The following LRRC75B variants were observed in gnomAD, a reference collection of about 807,000 sequenced individuals.
LRRC75B encodes leucine rich repeat containing 75B, also known as leucine-rich repeat-containing protein 75B.
LRRC75B carries 20 observed loss-of-function variants against 16.5 expected under a neutral mutation model. The observed-to-expected ratio is 1.21, with a 90% CI of 0.85 to 1.76. The LOEUF (loss-of-function observed/expected upper bound fraction) is 1.76. Ranked by LOEUF, LRRC75B falls within the 40% of genes most tolerant of loss-of-function variation. The pLI, the probability that LRRC75B is intolerant of heterozygous loss-of-function variation, is 0.00. For missense variants in LRRC75B, 406 were observed against 417.0 expected, an observed-to-expected ratio of 0.97 and a Z score of 0.23; for synonymous variants, 199 against 198.1, an observed-to-expected ratio of 1.00 and a Z score of -0.04.
rs202090927 is a variant in LRRC75B at position 24,586,013 on chromosome 22, G to A, written c.821C>T (p.Pro274Leu). ...AAGGTCCAGGCCCTCGTAGATGGTG[G>A]GGAGTGAGGTGCGCTGGCTCAGCCG... is the stretch of plus-strand genomic sequence containing the variant. The part of the protein sequence containing the change: ...RRRLSQRTSL[P>L]TIYEGLDLEP... The change falls in exon 4 of 4, where the codon CCC (proline) becomes CTC (leucine). Residue 274 changes from proline to leucine, a missense_variant. Pro to Leu is a moderately conservative substitution (Grantham distance 98). Coordinates refer to ENST00000318753, the MANE Select transcript of LRRC75B (RefSeq NM_207644.3). 7.6e-4 allele frequency: 1,224 copies of A among 1,611,104 alleles called. No individual in the cohort carries two copies. The highest frequency in any genetic ancestry group is 8.9e-4 in the Non-Finnish European group (1,050 of 1,179,904).
rs779688498 is a variant in LRRC75B at position 24,586,232 on chromosome 22, A to G, written c.602T>C (p.Leu201Pro). 4.9e-5 allele frequency: 79 copies of G among 1,613,596 alleles called. No individual in the cohort carries two copies. Among genetic ancestry groups the G allele is most frequent in the Non-Finnish European group, 3.9e-5 (46 of 1,180,044 alleles). Residue 201 changes from leucine to proline, a missense_variant, in exon 4 of 4, where the codon CTG becomes CCG. Physicochemically the swap from Leu to Pro is moderately conservative, Grantham distance 98. Coordinates refer to ENST00000318753, the MANE Select transcript of LRRC75B (RefSeq NM_207644.3). ...GCGGGGCAGCGCCCACAGGCTGGGC[A>G]GCAGGAGGTGCAGCAGCTCATCACT... The part of the protein sequence containing the change: ...GLSDELLHLL[L>P]PSLWALPRLT...
intron 2 of LRRC75B, chr22:24,589,284 A>C (rs1369840717): frequency 2.3e-5 from 29 of 1,240,666 alleles, no homozygotes; most frequent in Non-Finnish European, 3.0e-5. Context: ...TGGAGGCTGC[A>C]GGTGGCAAAC....
chr22:24,587,212 G>C (rs185878404), intron 3 of LRRC75B, among the ~76,000 whole-genome samples: 1 of 152,218 alleles, frequency 6.6e-6, no homozygotes, highest in Non-Finnish European at 1.5e-5. Context: ...CAGGGCACCG[G>C]GGATAGAGAG....
At chr22:24,587,146 C>G (rs575990906) in intron 3 of LRRC75B, among the ~76,000 whole-genome samples, 1 of 152,120 alleles carries the variant, frequency 6.6e-6, no homozygotes. Context: ...CTTCTGATGT[C>G]GATTCTTTTA....
At chr22:24,592,793 C>T in intron 1 of LRRC75B, 70 bp downstream of exon 1, 1 of 1,268,744 alleles carries the variant, frequency 7.9e-7, no homozygotes, top group Non-Finnish European at 1.0e-6. Flanking sequence ...TAGCCCCGCG[C>T]CTCCCAGACC....
chr22:24,586,296 C>T lies in LRRC75B; in HGVS notation c.538G>A (p.Ala180Thr), dbSNP rs1357081413. ...HITRYLSSHGAVLAVLDLSFT... is the reference protein window; with the variant it reads ...HITRYLSSHGTVLAVLDLSFT... ...CTCAGGTCCAGCACCGCCAGCACAG[C>T]ACCATGGCTGCTCAGGTAGCGTGTG... The change falls in exon 4 of 4, where the codon GCT (alanine) becomes ACT (threonine). Residue 180 changes from alanine to threonine, a missense_variant. Transcript: ENST00000318753. 1 of 1,613,882 alleles carries T rather than the reference C, an allele frequency of 6.2e-7. No homozygotes were observed. Among genetic ancestry groups the T allele is most frequent in the African/African-American group, 1.3e-5 (1 of 74,958 alleles).
intron 3 of LRRC75B, 43 bp downstream of exon 3, chr22:24,588,171 T>C (rs763016888): frequency 9.5e-6 from 14 of 1,475,714 alleles, no homozygotes; most frequent in Non-Finnish European, 1.1e-5. Context: ...AGAAGGGACC[T>C]TGGAGCAGCA....
chr22:24,586,164 T>C lies in LRRC75B; in HGVS notation c.670A>G (p.Thr224Ala). ...ATGGCATCAGTGAGCTTGCGGGCAG[T>C]GGCCCGCGTCAGTCGGTTGCCGTTG... ...LLNGNRLTRATARKLTDAIKD... is the reference protein window; with the variant it reads ...LLNGNRLTRAAARKLTDAIKD... The change falls in exon 4 of 4, where the codon ACT becomes GCT. Residue 224 changes from threonine to alanine, a missense_variant. Coordinates refer to ENST00000318753, the MANE Select transcript of LRRC75B (RefSeq NM_207644.3). The C allele has an allele frequency of 1.2e-6, 2 of 1,613,568 alleles. No individual in the cohort carries two copies. Among genetic ancestry groups the C allele is most frequent in the Non-Finnish European group, 1.7e-6 (2 of 1,179,974 alleles).
In LRRC75B at chr22:24,592,907, G is replaced by A. The variant is rs1206992271; in HGVS notation, c.133C>T (p.Arg45Trp). 5.5e-6 allele frequency: 7 copies of A among 1,278,712 alleles called. No individual in the cohort carries two copies. The highest frequency in any genetic ancestry group is 2.4e-5 in the South Asian group (1 of 42,022). The allele number at this position is 1,278,712 out of a possible 1,614,324, so 79.2% of individuals were successfully genotyped here. ...LREIQSTLRE[R>W]RPERARQLLR... ...AGCTGCCGGGCGCGCTCCGGCCGCCGCTCGCGGAGCGTGGACTGGATCTCG... is the reference window on the plus strand; with the variant it reads ...AGCTGCCGGGCGCGCTCCGGCCGCCACTCGCGGAGCGTGGACTGGATCTCG... The change falls in exon 1 of 4, where the codon CGG becomes TGG. Residue 45 changes from arginine to tryptophan, a missense_variant. By Grantham distance (101) the Arg-to-Trp change is moderately radical. Coordinates refer to ENST00000318753, the MANE Select transcript of LRRC75B (RefSeq NM_207644.3).
rs746992094 is a variant in LRRC75B, at chr22:24,585,958, G to A, written c.876C>T (p.Thr292=). ...LEPEGSAAGA[T]TPASTWDSTA... ...TGGAGTCCCAGGTGGAGGCAGGGGT[G>A]GTGGCCCCGGCCGCACTGCCCTCAG... The change falls in exon 4 of 4, where the codon ACC becomes ACT. Residue 292 remains threonine (T), a synonymous_variant. Coordinates refer to ENST00000318753, the MANE Select transcript of LRRC75B (RefSeq NM_207644.3). 6.2e-6 allele frequency: 10 copies of A among 1,609,462 alleles called. No individual in the cohort carries two copies. The highest frequency in any genetic ancestry group is 5.3e-5 in the African/African-American group (4 of 74,944).
chr22:24,587,951 G>A (rs1163483369), intron 3 of LRRC75B, among the ~76,000 whole-genome samples: 2 of 152,144 alleles, frequency 1.3e-5, no homozygotes, highest in Admixed American at 1.3e-4. Context: ...AACAGACCAG[G>A]GATTGAGGGA....
At chr22:24,589,528 A>T in intron 2 of LRRC75B, 1 of 456,534 alleles carries the variant, frequency 2.2e-6, no homozygotes, top group Non-Finnish European at 3.4e-6. Context: ...ACTTCTGCCC[A>T]GCTATAGTCT....
chr22:24,592,902 C>A lies in LRRC75B; in HGVS notation c.138G>T (p.Arg46=). 1 of 1,280,242 alleles carries A rather than the reference C, an allele frequency of 7.8e-7. No homozygotes were observed. The highest frequency in any genetic ancestry group is 9.9e-7 in the Non-Finnish European group (1 of 1,012,798). The allele number at this position is 1,280,242 out of a possible 1,614,324, so 79.3% of individuals were successfully genotyped here. The change falls in exon 1 of 4, where the codon CGG becomes CGT. Residue 46 remains arginine (R), a synonymous_variant. Transcript: ENST00000318753. ...REIQSTLRER[R]PERARQLLRL... is the part of the protein sequence containing the mutation. ...GCAGCAGCTGCCGGGCGCGCTCCGGCCGCCGCTCGCGGAGCGTGGACTGGA... is the reference window on the plus strand; with the variant it reads ...GCAGCAGCTGCCGGGCGCGCTCCGGACGCCGCTCGCGGAGCGTGGACTGGA...
intron 2 of LRRC75B, chr22:24,589,268 G>A: frequency 7.9e-7 from 1 of 1,259,512 alleles, no homozygotes; most frequent in South Asian, 1.3e-5. Flanking sequence ...CTGGGCAGCT[G>A]TGGGGTGGAG....
At chr22:24,589,337 G>T (rs1286245259) in intron 2 of LRRC75B, 9 of 1,159,148 alleles carry the variant, frequency 7.8e-6, no homozygotes, top group Middle Eastern at 5.9e-4. Flanking sequence ...GACCCCAGCT[G>T]TTGTAGGGGA....
At chr22:24,589,624 C>T in intron 2 of LRRC75B, 197 bp downstream of exon 2, 1 of 653,650 alleles carries the variant, frequency 1.5e-6, no homozygotes, top group South Asian at 2.3e-5. Context: ...CTGCAAAGCA[C>T]AGCTCACACT....
At chr22:24,589,712 A>C (rs1354454336) in intron 2 of LRRC75B, 109 bp downstream of exon 2, 1 of 1,307,698 alleles carries the variant, frequency 7.6e-7, no homozygotes, top group Non-Finnish European at 1.0e-6. Context: ...GCCTAAGGCC[A>C]CACAGCAAGC....
rs766610998 is a variant in LRRC75B at position 24,588,256 on chromosome 22, T to C, written c.380A>G (p.Gln127Arg). ...LIYHLTPHSKQQQGSSLRQRK... is the reference protein window; with the variant it reads ...LIYHLTPHSKRQQGSSLRQRK... ...CTGGCGCAGGCTGGACCCTTGCTGC[T>C]GCTTCGAGTGAGGGGTGAGGTGGTA... Residue 127 changes from glutamine to arginine, a missense_variant, in exon 3 of 4, where the codon CAG becomes CGG. Coordinates refer to ENST00000318753, the MANE Select transcript of LRRC75B (RefSeq NM_207644.3). The C allele has an allele frequency of 6.2e-7, 1 of 1,613,592 alleles. No homozygotes were observed. The highest frequency in any genetic ancestry group is 8.5e-7 in the Non-Finnish European group (1 of 1,179,874).
Position 24,589,815 on chromosome 22 carries a change from C to T in LRRC75B, c.306+6G>A, listed in dbSNP as rs768928739. ...CCAGCCCAGGGCCCGTGCCTGCCAG[C>T]CTCACCTTCTTGGGGCACTGCAGGT... On this transcript the variant is annotated splice_donor_region_variant and intron_variant, in intron 2 of 3. Coordinates refer to ENST00000318753, the MANE Select transcript of LRRC75B (RefSeq NM_207644.3). The T allele has an allele frequency of 7.4e-6, 12 of 1,610,874 alleles. No individual in the cohort carries two copies. The Admixed American group carries it at 2.0e-4, about 27-fold the overall frequency.
Sources: gnomAD v4.1 joint callset for allele counts (sites outside exome capture counted in the v4.1 genomes callset) on GRCh38, gnomAD v4.1.1 for gene constraint, MANE v1.5 for transcripts, NCBI Gene and HGNC (gene_info 2026-07-23, HGNC 2026-07-21) for gene names.